Variants in PRKN observed in about 807,000 individuals in gnomAD.
PRKN encodes the protein parkin RBR E3 ubiquitin protein ligase.
In PRKN, 56 loss-of-function variants were observed where a neutral mutation model predicts 59.5. The ratio of observed to expected loss-of-function variants is 0.94; its 90% CI spans 0.76 to 1.18. The LOEUF (loss-of-function observed/expected upper bound fraction) is 1.18, where lower values mean the gene tolerates loss of function less well. Ranked by LOEUF, PRKN falls within the 50% of genes most tolerant of loss-of-function variation. The pLI is 0.00. For synonymous variants in PRKN, 250 were observed against 222.1 expected, an observed-to-expected ratio of 1.13 and a Z score of -1.12; for missense variants, 657 against 596.4, an observed-to-expected ratio of 1.10 and a Z score of -1.06.
At chr6:162,485,701 C>A (rs1792505482) in intron 1 of PRKN, among the ~76,000 whole-genome samples, 1 of 152,146 alleles carries the variant, frequency 6.6e-6, no homozygotes, top group African/African-American at 2.4e-5. Flanking sequence ...TTTACCCCAA[C>A]AACTGTTCAC....
At position 161,448,190 on chromosome 6, in the gene PRKN, C is replaced by T. The variant is rs1040295090; in HGVS notation, c.1084-61313G>A. Among the ~76,000 whole-genome samples, 2 of 152,222 alleles carry T rather than the reference C, an allele frequency of 1.3e-5. No homozygotes were observed. Among genetic ancestry groups the T allele is most frequent in the Non-Finnish European group, 2.9e-5 (2 of 68,044 alleles). On this transcript the variant is annotated intron_variant, in intron 9 of 11. Transcript: ENST00000366898. The surrounding 1 kb of genome is among the most constrained non-coding windows in gnomAD (Gnocchi z 5.1). ...CTTTTGCCTCCATAAAAGATCTTCACTTTTCCCCACACCGTAATATTTCAC... is the reference window on the plus strand; with the variant it reads ...CTTTTGCCTCCATAAAAGATCTTCATTTTTCCCCACACCGTAATATTTCAC...
At position 162,378,998 on chromosome 6, in the gene PRKN, A is replaced by G. The variant is rs138186468; in HGVS notation, c.171+64312T>C. 5.9e-3 allele frequency among the ~76,000 whole-genome samples: 894 copies of G among 152,332 alleles called. 8 individuals carry two copies. The highest frequency in any genetic ancestry group is 0.014 in the Middle Eastern group (4 of 294). On this transcript the variant is annotated intron_variant, in intron 2 of 11. Coordinates refer to ENST00000366898, the MANE Select transcript of PRKN (RefSeq NM_004562.3). ...AACTCACCTTGAGAAGCCACATTTC[A>G]AGTATCTGAAAACAACTGGCAGGCC...
chr6:162,387,555 CAGAGAGAGAG>C (rs60548327), intron 2 of PRKN, among the ~76,000 whole-genome samples: 2,454 of 95,524 alleles, frequency 0.026, 51 homozygotes, highest in African/African-American at 0.063. Flanking sequence ...CACACACACA[CAGAGAGAGAG>C]AGAGAGAGAG....
intron 4 of PRKN, among the ~76,000 whole-genome samples, chr6:162,138,983 A>G (rs1286849369): frequency 2.0e-5 from 3 of 152,202 alleles, no homozygotes; most frequent in African/African-American, 7.2e-5. Context: ...GAATTTTTAG[A>G]AGTTGGAAGG....
rs115771123 is a variant in PRKN, at chr6:161,664,099, T to A, written c.872-94683A>T. ...AGTCACTCCCTGGGAGGCAAGCTTC[T>A]CCAATGCATGGAAGTCAGGAGCTTA... On this transcript the variant is annotated intron_variant, in intron 7 of 11. Transcript: ENST00000366898. 8.1e-3 allele frequency among the ~76,000 whole-genome samples: 1,227 copies of A among 152,288 alleles called. 28 individuals are homozygous for A. The highest frequency in any genetic ancestry group is 0.028 in the African/African-American group (1,172 of 41,562).
At chr6:161,775,693 G>A (rs903183889) in intron 7 of PRKN, among the ~76,000 whole-genome samples, 1 of 152,076 alleles carries the variant, frequency 6.6e-6, no homozygotes, top group Non-Finnish European at 1.5e-5. Flanking sequence ...TTGTATTTAG[G>A]AGAGCAATGT....
intron 3 of PRKN, among the ~76,000 whole-genome samples, chr6:162,229,102 T>C (rs1222706966): frequency 6.6e-6 from 1 of 152,210 alleles, no homozygotes; most frequent in African/African-American, 2.4e-5. Context: ...AAATTTATGT[T>C]TCCAGCTTTG....
In PRKN at chr6:161,750,142, C is replaced by CACATAT. The variant is rs765990689; in HGVS notation, c.871+35629_871+35630insATATGT. On this transcript the variant is annotated intron_variant, in intron 7 of 11. Transcript: ENST00000366898. ...ATACACACACACACACACACACACA[C>CACATAT]ATATATAAATTAGTACAAAATTGTT... 3.9e-3 allele frequency among the ~76,000 whole-genome samples: 539 copies of CACATAT among 137,018 alleles called. 10 individuals carry two copies. Among genetic ancestry groups the CACATAT allele is most frequent in the African/African-American group, 0.013 (487 of 36,844 alleles). 89.9% of individuals were successfully genotyped at this position (137,018 alleles called of 152,430 possible).
intron 1 of PRKN, among the ~76,000 whole-genome samples, chr6:162,595,161 G>A (rs181963651): frequency 1.0e-3 from 155 of 152,282 alleles, no homozygotes; most frequent in Non-Finnish European, 1.6e-3. Flanking sequence ...GTAACAGAGC[G>A]AGATTCTGTC....
intron 1 of PRKN, among the ~76,000 whole-genome samples, chr6:162,572,988 G>A (rs1162978219): frequency 1.3e-5 from 2 of 152,126 alleles, no homozygotes; most frequent in South Asian, 2.1e-4. Flanking sequence ...CAACAGAAGT[G>A]TTTCATTGAA....
intron 1 of PRKN, among the ~76,000 whole-genome samples, chr6:162,488,041 T>TTG (rs1792632135): frequency 6.6e-6 from 1 of 150,660 alleles, no homozygotes. Flanking sequence ...TTTTTTTTTT[T>TTG]TTTTTTTTTT....
In PRKN at chr6:161,549,118, A is replaced by C. The variant is rs910424061; in HGVS notation, c.934-115T>G. ...TTAACCAGTTTCAGTAAAATAATGCATGTGTGTGTGTGTGTGTGTGTGTAG... is the reference window on the plus strand; with the variant it reads ...TTAACCAGTTTCAGTAAAATAATGCCTGTGTGTGTGTGTGTGTGTGTGTAG... On this transcript the variant is annotated intron_variant, in intron 8 of 11. Transcript: ENST00000366898. This position sits in a 1 kb window ranked among gnomAD's most constrained non-coding sequence, Gnocchi z 6.0. The C allele has an allele frequency of 8.0e-6, 7 of 872,848 alleles. No homozygotes were observed. Among genetic ancestry groups the C allele is most frequent in the Non-Finnish European group, 1.3e-5 (7 of 539,668 alleles). 54.1% of individuals were successfully genotyped at this position (872,848 alleles called of 1,614,324 possible).
chr6:161,849,317 C>T (rs1471887530), intron 6 of PRKN, among the ~76,000 whole-genome samples: 1 of 152,120 alleles, frequency 6.6e-6, no homozygotes, highest in Non-Finnish European at 1.5e-5. Flanking sequence ...TTTTAGAATT[C>T]TTTTTTGTCT....
intron 4 of PRKN, among the ~76,000 whole-genome samples, chr6:162,170,328 C>T (rs539503805): frequency 6.6e-6 from 1 of 152,246 alleles, no homozygotes; most frequent in South Asian, 2.1e-4. Context: ...AAGCTTCTTC[C>T]CACAGGCACT....
chr6:161,540,495 G>C (rs1237994423), intron 9 of PRKN, among the ~76,000 whole-genome samples: 1 of 152,092 alleles, frequency 6.6e-6, no homozygotes, highest in Admixed American at 6.6e-5. Flanking sequence ...AAATACATTT[G>C]AGGCAAATAA....
chr6:162,245,804 G>T (rs909665265), intron 3 of PRKN, among the ~76,000 whole-genome samples: 5 of 152,224 alleles, frequency 3.3e-5, no homozygotes, highest in South Asian at 2.1e-4. Context: ...GAATTGCCTT[G>T]ATAGTCTGAC....
rs551410202 is a variant in PRKN at position 161,446,514 on chromosome 6, A to G, written c.1084-59637T>C. ...GCCAGATCTGACTTTGTGTAGAAGC[A>G]TAAAAGGAGTAGGATGTTTGTGATG... On this transcript the variant is annotated intron_variant, in intron 9 of 11. Transcript: ENST00000366898. The surrounding 1 kb of genome is among the most constrained non-coding windows in gnomAD (Gnocchi z 6.2). Among the ~76,000 whole-genome samples the G allele has an allele frequency of 1.5e-3, 230 of 152,298 alleles. 1 individual carries two copies. Among genetic ancestry groups the G allele is most frequent in the African/African-American group, 5.4e-3 (224 of 41,564 alleles).
chr6:161,874,916 T>C (rs1427199991), intron 6 of PRKN, among the ~76,000 whole-genome samples: 39 of 105,328 alleles, frequency 3.7e-4, no homozygotes, highest in Non-Finnish European at 6.2e-4. Flanking sequence ...TATTATAAAA[T>C]ATAAAATATA....
chr6:162,617,389 A>G (rs3132817), intron 1 of PRKN, among the ~76,000 whole-genome samples: 139,498 of 152,164 alleles, frequency 0.92, 64,098 homozygotes, highest in Admixed American at 0.97. Context: ...CTGCCAGCAC[A>G]CCTGGCTAAT....
Sources: gnomAD v4.1 joint callset for allele counts (sites outside exome capture counted in the v4.1 genomes callset) on GRCh38, gnomAD v4.1.1 for gene constraint, Gnocchi (gnomAD v3.1) non-coding constraint, MANE v1.5 for transcripts, NCBI Gene and HGNC (gene_info 2026-07-23, HGNC 2026-07-21) for gene names.